Variants in REPS2 observed in about 807,000 individuals in gnomAD.
REPS2 encodes RALBP1 associated Eps domain containing 2.
In REPS2, 23 loss-of-function variants were observed where a neutral mutation model predicts 53.6. The ratio of observed to expected loss-of-function variants is 0.43; its 90% CI spans 0.31 to 0.61. The LOEUF (loss-of-function observed/expected upper bound fraction) is 0.61. Ranked by LOEUF, REPS2 falls within the 20% of genes least tolerant of loss-of-function variation. The probability of loss-of-function intolerance (pLI) is 0.11; values close to 1 mark genes in which losing one functional copy is unlikely to be tolerated. For synonymous variants in REPS2, 238 were observed against 218.6 expected, an observed-to-expected ratio of 1.09 and a Z score of -0.78; for missense variants, 446 against 534.9, an observed-to-expected ratio of 0.83 and a Z score of 1.64.
intron 1 of REPS2, among the ~76,000 whole-genome samples, chrX:17,000,997 T>C: frequency 8.9e-6 from 1 of 111,963 alleles, no homozygotes; most frequent in Admixed American, 9.4e-5. Flanking sequence ...GAGTACTGGC[T>C]CTGAATTTGT....
chrX:17,101,990 C>A (rs1479411013), intron 13 of REPS2, among the ~76,000 whole-genome samples: 9 of 110,556 alleles, frequency 8.1e-5, no homozygotes, highest in Non-Finnish European at 1.7e-4. Flanking sequence ...ATTGCTTGGC[C>A]TTTCCCTTAA....
At chrX:17,064,102 C>CTT (rs11310120) in intron 9 of REPS2, among the ~76,000 whole-genome samples, 30 of 95,008 alleles carry the variant, frequency 3.2e-4, no homozygotes, top group African/African-American at 1.1e-3. Flanking sequence ...ACTACCTAGT[C>CTT]TTTTTTTTTT....
chrX:17,082,827 C>T (rs2148006095), intron 13 of REPS2, among the ~76,000 whole-genome samples: 1 of 112,354 alleles, frequency 8.9e-6, no homozygotes, highest in Admixed American at 9.4e-5. Context: ...GACTGGGAAA[C>T]AAGCTTACTT....
chrX:17,025,019 T>C, intron 3 of REPS2, 40 bp from the exon 4 acceptor site: 1 of 1,211,577 alleles, frequency 8.3e-7, no homozygotes. Flanking sequence ...AACGCCAGGC[T>C]TGAGTGAGCG....
intron 1 of REPS2, among the ~76,000 whole-genome samples, chrX:16,953,969 T>C (rs2060558215): frequency 9.0e-6 from 1 of 111,344 alleles, no homozygotes; most frequent in Admixed American, 9.6e-5. Flanking sequence ...CTTTTATTTT[T>C]TTGAGACAGG....
intron 1 of REPS2, among the ~76,000 whole-genome samples, chrX:16,951,559 A>ACACACACACACC (rs879259718): frequency 9.9e-4 from 37 of 37,507 alleles, no homozygotes; most frequent in East Asian, 4.5e-3. Flanking sequence ...ACACACACAC[A>ACACACACACACC]CCCCCGCTAC....
chrX:16,988,229 G>A (rs1437722368), intron 1 of REPS2, among the ~76,000 whole-genome samples: 1 of 111,521 alleles, frequency 9.0e-6, no homozygotes, highest in Non-Finnish European at 1.9e-5. Flanking sequence ...GAGCCATGGT[G>A]ACTGTATCAC....
At chrX:17,039,301 G>C (rs990440468) in intron 5 of REPS2, among the ~76,000 whole-genome samples, 1 of 112,373 alleles carries the variant, frequency 8.9e-6, no homozygotes, top group African/African-American at 3.2e-5. Context: ...ATTGGAGGCA[G>C]TGGTTACTAA....
chrX:17,049,946 G>A (rs988698258), intron 6 of REPS2, among the ~76,000 whole-genome samples: 1 of 106,035 alleles, frequency 9.4e-6, no homozygotes, highest in Non-Finnish European at 1.9e-5. Context: ...TATTTATAAA[G>A]TCTACAGTAG....
intron 1 of REPS2, among the ~76,000 whole-genome samples, chrX:16,957,755 C>T (rs1454878560): frequency 1.8e-5 from 2 of 111,612 alleles, no homozygotes; most frequent in African/African-American, 3.3e-5. Context: ...ATTTTTTGTT[C>T]GAGATCCAGA....
intron 1 of REPS2, among the ~76,000 whole-genome samples, chrX:16,994,323 ATGTG>A (rs1429578494): frequency 1.8e-5 from 2 of 110,464 alleles, no homozygotes; most frequent in Non-Finnish European, 3.8e-5. Context: ...GTGTGTATAT[ATGTG>A]TGTATGTATA....
intron 8 of REPS2, among the ~76,000 whole-genome samples, chrX:17,056,693 TA>T (rs11372156): frequency 2.0e-3 from 200 of 100,579 alleles, no homozygotes; most frequent in Non-Finnish European, 3.3e-3. Context: ...AGACTCTGTC[TA>T]AAAAAAAAAA....
chrX:17,012,307 A>T (rs1350456600), intron 2 of REPS2, among the ~76,000 whole-genome samples: 2 of 110,163 alleles, frequency 1.8e-5, no homozygotes, highest in Non-Finnish European at 3.8e-5. Flanking sequence ...TGAACCCGGG[A>T]GGCGGAGGTT....
chrX:17,064,102 CTTT>C (rs11310120), intron 9 of REPS2, among the ~76,000 whole-genome samples: 9 of 94,926 alleles, frequency 9.5e-5, no homozygotes, highest in African/African-American at 7.7e-5. Flanking sequence ...ACTACCTAGT[CTTT>C]TTTTTTTTTT....
chrX:16,978,919 C>T (rs1226240990), intron 1 of REPS2, among the ~76,000 whole-genome samples: 4 of 111,305 alleles, frequency 3.6e-5, no homozygotes, highest in African/African-American at 1.3e-4. Flanking sequence ...TTTAATAACA[C>T]GTGAGGCAAA....
In REPS2 at chrX:16,946,873, A is replaced by AGCG. The variant is rs1159423697; in HGVS notation, c.30_32dup (p.Ala17dup). ...CCCTTGCTGGCCCCATGGAGGCGGC[A>AGCG]GCGGCGGCGGCGGCGGCGGCAGCGG... On this transcript the variant is annotated inframe_insertion, in exon 1 of 18. Coordinates refer to ENST00000357277, the MANE Select transcript of REPS2 (RefSeq NM_004726.3). 1.0e-4 allele frequency: 77 copies of AGCG among 744,888 alleles called. No individual in the cohort carries two copies. Among genetic ancestry groups the AGCG allele is most frequent in the Middle Eastern group, 7.5e-4 (1 of 1,326 alleles). The allele number at this position is 744,888 out of a possible 1,213,427, so 61.4% of individuals were successfully genotyped here.
At chrX:17,101,297 C>T (rs985079938) in intron 13 of REPS2, among the ~76,000 whole-genome samples, 82 of 109,570 alleles carry the variant, frequency 7.5e-4, no homozygotes, top group Middle Eastern at 9.5e-3. Context: ...CTCCTGACCT[C>T]ATGATCTGCC....
chrX:17,043,558 T>C (rs1217707460), intron 5 of REPS2, among the ~76,000 whole-genome samples: 1 of 108,776 alleles, frequency 9.2e-6, no homozygotes, highest in Non-Finnish European at 1.9e-5. Flanking sequence ...CTTGTGCTGA[T>C]GCTTGGTTCT....
In REPS2 at chrX:17,114,817, T is replaced by A. The variant is rs537797813; in HGVS notation, c.1578+11038T>A. Among the ~76,000 whole-genome samples, 3 of 112,455 alleles carry A rather than the reference T, an allele frequency of 2.7e-5. No homozygotes were observed. In the South Asian group the frequency reaches 1.1e-3, roughly 41 times the overall value. On this transcript the variant is annotated intron_variant, in intron 14 of 17. Transcript: ENST00000357277. ...TAGTAAACTCTTATTGCCCTCACTC[T>A]TAAATAGTAATTCTGCTGTGTACAG...
Sources: gnomAD v4.1 joint callset for allele counts (sites outside exome capture counted in the v4.1 genomes callset) on GRCh38, gnomAD v4.1.1 for gene constraint, MANE v1.5 for transcripts, NCBI Gene and HGNC (gene_info 2026-07-23, HGNC 2026-07-21) for gene names.